ARID1B: variants seen among roughly 807,000 people sequenced by gnomAD.
ARID1B encodes AT-rich interaction domain 1B.
A neutral mutation model predicts 212.3 loss-of-function variants in ARID1B; 30 were observed. The observed-to-expected ratio is 0.14, with a 90% CI of 0.11 to 0.19. ARID1B has a LOEUF of 0.19. Among genes scored for constraint, ARID1B ranks in the 10% least tolerant of loss-of-function variants. The probability of loss-of-function intolerance (pLI) is 1.00; values close to 1 mark genes in which losing one functional copy is unlikely to be tolerated. For synonymous variants in ARID1B, 1,402 were observed against 1,301.7 expected (o/e 1.08, Z -1.66); for missense variants, 2,891 against 3,204.0 (o/e 0.90, Z 2.36).
chr6:157,111,773 C>CAT (rs1410241980), intron 6 of ARID1B, among the ~76,000 whole-genome samples: 1 of 152,096 alleles, frequency 6.6e-6, no homozygotes, highest in South Asian at 2.1e-4. Flanking sequence ...AATACCATTA[C>CAT]ATATATATAT....
At chr6:156,859,729 T>C (rs1204586767) in intron 2 of ARID1B, among the ~76,000 whole-genome samples, 1 of 152,252 alleles carries the variant, frequency 6.6e-6, no homozygotes, top group Non-Finnish European at 1.5e-5. Context: ...TTTTTGCATG[T>C]GCAGTTATTT....
At chr6:156,924,462 C>T (rs916795931) in intron 3 of ARID1B, among the ~76,000 whole-genome samples, 1 of 152,280 alleles carries the variant, frequency 6.6e-6, no homozygotes, top group Non-Finnish European at 1.5e-5. Flanking sequence ...GTAAAATTAG[C>T]GTGATTTGAA....
intron 16 of ARID1B, 150 bp downstream of exon 16, chr6:157,196,465 AC>A: frequency 9.7e-7 from 1 of 1,032,146 alleles, no homozygotes; most frequent in Non-Finnish European, 1.4e-6. Flanking sequence ...GCTGCTGGTC[AC>A]CAGGTGAGTG....
intron 5 of ARID1B, among the ~76,000 whole-genome samples, chr6:157,086,626 CT>C (rs1382520568): frequency 1.3e-5 from 2 of 152,206 alleles, no homozygotes; most frequent in Non-Finnish European, 2.9e-5. Context: ...CATCTGAAGA[CT>C]TTCCACATGT....
chr6:157,127,686 G>C (rs1788223943), intron 6 of ARID1B, among the ~76,000 whole-genome samples: 1 of 146,312 alleles, frequency 6.8e-6, no homozygotes, highest in African/African-American at 2.5e-5. Context: ...TGAGGCAGGA[G>C]AATCGCTTGA....
intron 1 of ARID1B, among the ~76,000 whole-genome samples, chr6:156,805,769 G>C (rs572342815): frequency 6.6e-6 from 1 of 152,162 alleles, no homozygotes; most frequent in Non-Finnish European, 1.5e-5. Context: ...TGTAACTCCT[G>C]GGCTTAGGTG....
At chr6:156,824,863 ATT>A (rs1244051858) in intron 1 of ARID1B, among the ~76,000 whole-genome samples, 1 of 145,158 alleles carries the variant, frequency 6.9e-6, no homozygotes, top group Non-Finnish European at 1.5e-5. Context: ...CTTAGATTTG[ATT>A]TTTTTTTTTT....
At chr6:157,198,715 G>A in intron 16 of ARID1B, 96 bp from the exon 17 acceptor site, 1 of 1,063,228 alleles carries the variant, frequency 9.4e-7, no homozygotes, top group Non-Finnish European at 1.4e-6. Context: ...ACACAGAGCT[G>A]CTTGAGGGAG....
chr6:156,994,799 G>A (rs1203474772), intron 4 of ARID1B, among the ~76,000 whole-genome samples: 1 of 152,218 alleles, frequency 6.6e-6, no homozygotes, highest in Non-Finnish European at 1.5e-5. Context: ...GGACAGACCA[G>A]TGGTCTCTGT....
intron 4 of ARID1B, chr6:157,024,081 C>T (rs944183362): frequency 2.0e-5 from 3 of 152,236 alleles, no homozygotes; most frequent in African/African-American, 4.8e-5. Context: ...AGAGATGTTA[C>T]TTAACTTGAA....
rs528754433 is a variant in ARID1B at position 157,053,716 on chromosome 6, C to T, written c.2248-30946C>T. Among the ~76,000 whole-genome samples, 36 of 152,170 alleles carry T rather than the reference C, an allele frequency of 2.4e-4. No individual in the cohort carries two copies. In the South Asian group the frequency reaches 7.1e-3, roughly 30 times the overall value. Reference sequence around the variant, plus strand: ...CATGTCTGTGGCTTTTTGTTGCTTACGTGTATAATATCAAGCCTTTCTATA... The same window carrying T: ...CATGTCTGTGGCTTTTTGTTGCTTATGTGTATAATATCAAGCCTTTCTATA... On this transcript the variant is annotated intron_variant, in intron 4 of 19. Coordinates refer to ENST00000636930, the MANE Select transcript of ARID1B (RefSeq NM_001374828.1).
intron 2 of ARID1B, among the ~76,000 whole-genome samples, chr6:156,847,451 C>T (rs1214022595): frequency 6.6e-6 from 1 of 152,090 alleles, no homozygotes; most frequent in African/African-American, 2.4e-5. Flanking sequence ...AATGGGAGAT[C>T]TGAAGTGGGA....
At chr6:157,159,226 C>T (rs935270331) in intron 8 of ARID1B, among the ~76,000 whole-genome samples, 9 of 152,178 alleles carry the variant, frequency 5.9e-5, no homozygotes, top group East Asian at 1.9e-4. Context: ...AGGAAAGAGT[C>T]CGTAGTAGCA....
At chr6:157,125,737 C>T (rs528274782) in intron 6 of ARID1B, among the ~76,000 whole-genome samples, 5 of 152,264 alleles carry the variant, frequency 3.3e-5, no homozygotes, top group South Asian at 2.1e-4. Context: ...CTGTGTGTCC[C>T]GCTGGAATGT....
At chr6:156,960,338 T>A (rs1285702576) in intron 4 of ARID1B, among the ~76,000 whole-genome samples, 1 of 152,180 alleles carries the variant, frequency 6.6e-6, no homozygotes, top group Non-Finnish European at 1.5e-5. Flanking sequence ...ATGATGGACG[T>A]CCTTATTGAC....
At chr6:157,030,778 A>G (rs1780970649) in intron 4 of ARID1B, among the ~76,000 whole-genome samples, 2 of 152,234 alleles carry the variant, frequency 1.3e-5, no homozygotes, top group Admixed American at 1.3e-4. Context: ...TAAGTTTATC[A>G]AATGCTTTTT....
intron 2 of ARID1B, among the ~76,000 whole-genome samples, chr6:156,834,990 TTGGGGAGGCTGAGG>T (rs531770231): frequency 0.022 from 3,378 of 152,106 alleles, 111 homozygotes; most frequent in African/African-American, 0.077. Flanking sequence ...ATCCCAGCAC[TTGGGGAGGCTGAGG>T]TGGGCGGACC....
intron 3 of ARID1B, among the ~76,000 whole-genome samples, chr6:156,909,631 C>G (rs930011587): frequency 2.6e-5 from 4 of 152,136 alleles, no homozygotes; most frequent in African/African-American, 9.7e-5. Context: ...GTTTCTCCTC[C>G]CCAAAATTTG....
intron 2 of ARID1B, among the ~76,000 whole-genome samples, chr6:156,851,310 G>A (rs1216727801): frequency 1.3e-5 from 2 of 152,144 alleles, no homozygotes; most frequent in Non-Finnish European, 2.9e-5. Context: ...GGTTCAACTT[G>A]TTCCGGGTTA....
Sources: gnomAD v4.1 joint callset for allele counts (sites outside exome capture counted in the v4.1 genomes callset) on GRCh38, gnomAD v4.1.1 for gene constraint, MANE v1.5 for transcripts, NCBI Gene and HGNC (gene_info 2026-07-23, HGNC 2026-07-21) for gene names.